FTO: variants seen among roughly 807,000 people sequenced by gnomAD.
FTO encodes FTO alpha-ketoglutarate dependent dioxygenase, also known as alpha-ketoglutarate-dependent dioxygenase FTO.
Under a neutral mutation model 63.9 loss-of-function variants are expected in FTO, and 47 were observed. That is an observed-to-expected ratio of 0.74 (90% CI 0.58 to 0.94). The LOEUF (loss-of-function observed/expected upper bound fraction) is 0.94, where lower values mean the gene tolerates loss of function less well. FTO is among the 40% of genes least tolerant of loss of function. The pLI is 0.00. For synonymous variants in FTO, 207 were observed against 224.4 expected, an observed-to-expected ratio of 0.92 and a Z score of 0.69; for missense variants, 562 against 618.1, an observed-to-expected ratio of 0.91 and a Z score of 0.96.
At chr16:54,095,735 T>C (rs2086501635) in intron 8 of FTO, among the ~76,000 whole-genome samples, 1 of 152,162 alleles carries the variant, frequency 6.6e-6, no homozygotes. Context: ...CCTCTGTCTT[T>C]TCTGCTGCCC....
intron 8 of FTO, among the ~76,000 whole-genome samples, chr16:54,093,661 T>C (rs555699498): frequency 6.6e-6 from 1 of 152,330 alleles, no homozygotes; most frequent in South Asian, 2.1e-4. Flanking sequence ...AATGACATTC[T>C]GCACAAGCAG....
intron 7 of FTO, among the ~76,000 whole-genome samples, chr16:53,894,461 T>G (rs1000701931): frequency 6.6e-6 from 1 of 152,244 alleles, no homozygotes; most frequent in African/African-American, 2.4e-5. Context: ...TTTCATTTAC[T>G]GAAATTTTTA....
intron 1 of FTO, among the ~76,000 whole-genome samples, chr16:53,747,469 G>C (rs1233303855): frequency 6.6e-6 from 1 of 152,030 alleles, no homozygotes; most frequent in Non-Finnish European, 1.5e-5. Flanking sequence ...CATGTATCTG[G>C]TGGCCATTTG....
intron 1 of FTO, among the ~76,000 whole-genome samples, chr16:53,758,892 TA>T (rs1448788974): frequency 7.0e-6 from 1 of 143,782 alleles, no homozygotes; most frequent in East Asian, 2.0e-4. Flanking sequence ...TATACATTTT[TA>T]AAAATCTTAT....
intron 7 of FTO, among the ~76,000 whole-genome samples, chr16:53,918,843 T>C (rs1382479323): frequency 1.3e-5 from 2 of 152,222 alleles, no homozygotes; most frequent in Admixed American, 1.3e-4. Context: ...TAAACCGTGC[T>C]GGGCCTGGAG....
intron 8 of FTO, among the ~76,000 whole-genome samples, chr16:53,995,944 A>C (rs909857663): frequency 3.7e-4 from 56 of 152,050 alleles, no homozygotes; most frequent in African/African-American, 1.3e-3. Context: ...TCTGGGAAGG[A>C]TTTTCTTCCT....
At chr16:53,704,063 C>A (rs1234928109), upstream of FTO, 1 of 1,064,364 alleles carries the variant, frequency 9.4e-7, no homozygotes, top group South Asian at 1.3e-5. Flanking sequence ...GTAGTTTTTT[C>A]TACTCAGAGG....
At chr16:53,790,097 AT>A (rs1019525674) in intron 1 of FTO, among the ~76,000 whole-genome samples, 8 of 150,448 alleles carry the variant, frequency 5.3e-5, no homozygotes, top group African/African-American at 1.9e-4. Flanking sequence ...TACTATATGT[AT>A]TTTTAATTGT....
chr16:53,814,655 G>C (rs568428563), intron 2 of FTO: 5 of 152,472 alleles, frequency 3.3e-5, no homozygotes, highest in African/African-American at 1.2e-4. Context: ...AGATAACTCT[G>C]CTCTTGTCTC....
At chr16:54,077,434 T>G (rs185565270) in intron 8 of FTO, among the ~76,000 whole-genome samples, 1 of 152,280 alleles carries the variant, frequency 6.6e-6, no homozygotes, top group African/African-American at 2.4e-5. Context: ...CTGTCGTTTG[T>G]AACACATCCG....
intron 1 of FTO, among the ~76,000 whole-genome samples, chr16:53,708,625 T>G (rs2075688503): frequency 6.6e-6 from 1 of 152,256 alleles, no homozygotes. Context: ...CTACACCATT[T>G]TACATTTCCC....
At chr16:53,773,960 C>A (rs985555682) in intron 1 of FTO, among the ~76,000 whole-genome samples, 1 of 152,098 alleles carries the variant, frequency 6.6e-6, no homozygotes, top group Admixed American at 6.6e-5. Context: ...AGGTTAAAAT[C>A]GGAGAAGAAA....
At chr16:53,961,189 G>T (rs1488960073) in intron 8 of FTO, among the ~76,000 whole-genome samples, 1 of 151,058 alleles carries the variant, frequency 6.6e-6, no homozygotes, top group Non-Finnish European at 1.5e-5. Context: ...GCTCTGCATC[G>T]AGTGCAGCTT....
intron 1 of FTO, among the ~76,000 whole-genome samples, chr16:53,715,993 A>G (rs1263302381): frequency 6.6e-6 from 1 of 152,180 alleles, no homozygotes; most frequent in Admixed American, 6.6e-5. Flanking sequence ...TAGGAGGAAG[A>G]CAGGCATGTA....
chr16:53,891,148 G>T (rs2081136347), intron 7 of FTO, among the ~76,000 whole-genome samples: 1 of 151,850 alleles, frequency 6.6e-6, no homozygotes, highest in Non-Finnish European at 1.5e-5. Context: ...CCGCCACCAT[G>T]CCTGGCTAAT....
chr16:53,899,262 G>T (rs980029537), intron 7 of FTO, among the ~76,000 whole-genome samples: 3 of 151,554 alleles, frequency 2.0e-5, no homozygotes, highest in Non-Finnish European at 4.4e-5. Flanking sequence ...GCTTAAGTAG[G>T]TTATTAGTTT....
rs529644840 is a variant in FTO, at chr16:53,867,893, C to T, written c.896-5893C>T. ...TTGATGCTCTACTATTAGGTGCATACTGTTATATCTTCTGGGAGAATTTAC... is the reference window on the plus strand; with the variant it reads ...TTGATGCTCTACTATTAGGTGCATATTGTTATATCTTCTGGGAGAATTTAC... On this transcript the variant is annotated intron_variant, in intron 4 of 8. Transcript: ENST00000471389. Among the ~76,000 whole-genome samples the T allele has an allele frequency of 9.2e-5, 14 of 152,268 alleles. No individual in the cohort carries two copies. In the South Asian group the frequency reaches 2.9e-3, roughly 32 times the overall value.
intron 1 of FTO, among the ~76,000 whole-genome samples, chr16:53,719,999 T>A (rs1241455780): frequency 1.3e-5 from 2 of 152,132 alleles, no homozygotes; most frequent in Non-Finnish European, 2.9e-5. Context: ...ACTGAACTAA[T>A]GTTTCCTAAA....
intron 1 of FTO, among the ~76,000 whole-genome samples, chr16:53,793,038 G>C (rs1010391166): frequency 6.6e-6 from 1 of 152,144 alleles, no homozygotes; most frequent in Admixed American, 6.5e-5. Flanking sequence ...CTTGGAGCTG[G>C]CTCAAGGAAA....
Sources: gnomAD v4.1 joint callset for allele counts (sites outside exome capture counted in the v4.1 genomes callset) on GRCh38, gnomAD v4.1.1 for gene constraint, MANE v1.5 for transcripts, NCBI Gene and HGNC (gene_info 2026-07-23, HGNC 2026-07-21) for gene names.